SQSTM1: variants seen among roughly 807,000 people sequenced by gnomAD.
SQSTM1 encodes sequestosome 1.
A neutral mutation model predicts 45.1 loss-of-function variants in SQSTM1; 36 were observed. That is an observed-to-expected ratio of 0.80 (90% confidence interval 0.61 to 1.05). The LOEUF (loss-of-function observed/expected upper bound fraction) is 1.05. Ranked by LOEUF, SQSTM1 falls within the 50% of genes least tolerant of loss-of-function variation. The pLI, the probability that SQSTM1 is intolerant of heterozygous loss-of-function variation, is 0.00. For synonymous variants in SQSTM1, 290 were observed against 244.3 expected, an observed-to-expected ratio of 1.19 and a Z score of -1.74; for missense variants, 617 against 607.1, an observed-to-expected ratio of 1.02 and a Z score of -0.17.
chr5:179,821,093 G>T lies in SQSTM1; in HGVS notation c.157G>T (p.Ala53Ser). Residue 53 changes from alanine to serine, a missense_variant, in exon 1 of 8, where the codon GCC becomes TCC. Transcript: ENST00000389805. ...PCERLLSRVA[A>S]LFPALRPGGF... The stretch of plus-strand genomic sequence containing the variant: ...CGAGCGGCTGCTGAGCCGGGTGGCC[G>T]CCCTGTTCCCCGCGCTGCGGCCTGG... 1 of 1,445,408 alleles carries T rather than the reference G, an allele frequency of 6.9e-7. No homozygotes were observed. The highest frequency in any genetic ancestry group is 2.6e-5 in the Admixed American group (1 of 37,826). The allele number at this position is 1,445,408 out of a possible 1,614,324, so 89.5% of individuals were successfully genotyped here. A position where few individuals can be genotyped will look rare whatever the true frequency, so the allele number is the denominator to read the frequency against.
At chr5:179,818,908 T>A (rs1757663770), upstream of SQSTM1, 1 of 152,700 alleles carries the variant, frequency 6.5e-6, no homozygotes, top group East Asian at 1.9e-4. Flanking sequence ...GGGGTGGGAC[T>A]GCATCGGGAA....
chr5:179,825,310 G>A lies in SQSTM1; in HGVS notation c.754+84G>A, dbSNP rs1757947198. The stretch of plus-strand genomic sequence containing the variant: ...CACCTGGAATACTGCAAAGGAATGG[G>A]TAATTGACATGCCCTTGACACTGGT... On this transcript the variant is annotated intron_variant, in intron 5 of 7. Transcript: ENST00000389805. 3 of 1,187,288 alleles carry A rather than the reference G, an allele frequency of 2.5e-6. No homozygotes were observed. The South Asian group carries it at 3.6e-5, about 14-fold the overall frequency. 73.5% of individuals were successfully genotyped at this position (1,187,288 alleles called of 1,614,324 possible).
Position 179,836,802 on chromosome 5 carries a change from T to A in SQSTM1, c.*209T>A. On this transcript the variant is annotated 3_prime_UTR_variant, in exon 8 of 8. Transcript: ENST00000389805. ...GTGTGCTGATGTTTCCTGGGTGCCC[T>A]GGCTCCTTGCAGCAGGGCTGGGCCT... is the stretch of plus-strand genomic sequence containing the variant. 1.3e-6 allele frequency: 1 copy of A among 782,330 alleles called. No homozygotes were observed. 48.5% of individuals were successfully genotyped at this position (782,330 alleles called of 1,614,324 possible).
intron 1 of SQSTM1, chr5:179,808,138 C>CGCCCGGGGGAG (rs1757261892): frequency 6.6e-6 from 1 of 152,288 alleles, no homozygotes; most frequent in Non-Finnish European, 1.5e-5. Context: ...CTGCCCCACC[C>CGCCCGGGGGAG]GCCCGGGGGA....
At position 179,830,395 on chromosome 5, in the gene SQSTM1, C is replaced by A. The variant is rs528569681; in HGVS notation, c.755-2637C>A. ...GAAATCAGTTAAAAAGGCTTTTCGG[C>A]CTAGAATTCTTTTGTTTTTGAAACC... On this transcript the variant is annotated intron_variant, in intron 5 of 7. Coordinates refer to ENST00000389805, the MANE Select transcript of SQSTM1 (RefSeq NM_003900.5). 3.9e-5 allele frequency among the ~76,000 whole-genome samples: 6 copies of A among 152,090 alleles called. No homozygotes were observed. The East Asian group carries it at 1.2e-3, about 29-fold the overall frequency.
rs146092066 is a variant in SQSTM1, at chr5:179,837,615, G to A, written c.*1022G>A. 1,023 of 1,614,212 alleles carry A rather than the reference G, an allele frequency of 6.3e-4. 1 individual carries two copies. Among genetic ancestry groups the A allele is most frequent in the Middle Eastern group, 1.6e-3 (10 of 6,062 alleles). Reference sequence around the variant, plus strand: ...CTGCTGAGGCCTTCTCTTGAGGCCTGTGCTCTGGGGGTCCCTTGCTTAGCC... The same window carrying A: ...CTGCTGAGGCCTTCTCTTGAGGCCTATGCTCTGGGGGTCCCTTGCTTAGCC... On this transcript the variant is annotated 3_prime_UTR_variant, in exon 8 of 8. Coordinates refer to ENST00000389805, the MANE Select transcript of SQSTM1 (RefSeq NM_003900.5).
intron 4 of SQSTM1, 95 bp downstream of exon 4, chr5:179,824,418 A>C: frequency 6.4e-7 from 1 of 1,566,782 alleles, no homozygotes; most frequent in Non-Finnish European, 8.8e-7. Flanking sequence ...CAAGGCAAGA[A>C]TTCAGGATAC....
intron 1 of SQSTM1, 66 bp downstream of exon 1, chr5:179,821,207 G>A: frequency 7.7e-7 from 1 of 1,296,622 alleles, no homozygotes; most frequent in Non-Finnish European, 9.8e-7. Context: ...CCGCGGGGTG[G>A]CTGCCCCCTC....
At position 179,820,909 on chromosome 5, in the gene SQSTM1, C is replaced by T. The variant is rs754689970; in HGVS notation, c.-28C>T. On this transcript the variant is annotated 5_prime_UTR_variant, in exon 1 of 8. Transcript: ENST00000389805. ...CGCGCGGCGGCTGCGACCGGGACGGCCCGTTTTCCGCCAGCTCGCCGCTCG... is the reference window on the plus strand; with the variant it reads ...CGCGCGGCGGCTGCGACCGGGACGGTCCGTTTTCCGCCAGCTCGCCGCTCG... The T allele has an allele frequency of 2.0e-6, 3 of 1,492,604 alleles. No homozygotes were observed. Among genetic ancestry groups the T allele is most frequent in the Admixed American group, 4.1e-5 (2 of 48,752 alleles). The allele number at this position is 1,492,604 out of a possible 1,614,324, so 92.5% of individuals were successfully genotyped here. A position where few individuals can be genotyped will look rare whatever the true frequency, so the allele number is the denominator to read the frequency against.
At chr5:179,821,927 C>T (rs1034998045) in intron 1 of SQSTM1, among the ~76,000 whole-genome samples, 1 of 150,786 alleles carries the variant, frequency 6.6e-6, no homozygotes, top group Non-Finnish European at 1.5e-5. Context: ...TGCCAGCATA[C>T]CAGGCCCTCT....
rs1757159299 is a variant in SQSTM1, at chr5:179,806,418, C to A, written c.-330C>A. ...GGCTTCCGGCCGCCTTCCGCGGCCA[C>A]CGCCGGGCCCGCTCCCGCCGCCGAC... is the stretch of plus-strand genomic sequence containing the variant. On this transcript the variant is annotated 5_prime_UTR_variant, in exon 1 of 6. Coordinates refer to the SQSTM1 transcript ENST00000514093. The surrounding 1 kb of genome is among the most constrained non-coding windows in gnomAD (Gnocchi z 4.6). The A allele has an allele frequency of 9.8e-7, 1 of 1,024,386 alleles. No homozygotes were observed. Among genetic ancestry groups the A allele is most frequent in the African/African-American group, 1.7e-5 (1 of 57,514 alleles). The allele number at this position is 1,024,386 out of a possible 1,614,324, so 63.5% of individuals were successfully genotyped here.
At position 179,806,596 on chromosome 5, in the gene SQSTM1, G is replaced by A; in HGVS notation, c.-157+5G>A. Reference sequence around the variant, plus strand: ...TGCGGAGCCTCATCTCCTCGGGTGCGCGGCGGGCGCCCGCGGGGCCGAGGC... The same window carrying A: ...TGCGGAGCCTCATCTCCTCGGGTGCACGGCGGGCGCCCGCGGGGCCGAGGC... On this transcript the variant is annotated splice_donor_5th_base_variant and intron_variant, in intron 1 of 5. Coordinates refer to the SQSTM1 transcript ENST00000514093. The surrounding 1 kb of genome is among the most constrained non-coding windows in gnomAD (Gnocchi z 4.6). 1 of 1,235,434 alleles carries A rather than the reference G, an allele frequency of 8.1e-7. No individual in the cohort carries two copies. Among genetic ancestry groups the A allele is most frequent in the Non-Finnish European group, 1.0e-6 (1 of 959,096 alleles). The allele number at this position is 1,235,434 out of a possible 1,614,324, so 76.5% of individuals were successfully genotyped here.
chr5:179,825,059 CAG>C, intron 4 of SQSTM1, 85 bp from the exon 5 acceptor site: 2 of 1,387,414 alleles, frequency 1.4e-6, no homozygotes, highest in Non-Finnish European at 1.0e-6. Flanking sequence ...CCCGGGAACA[CAG>C]GGACCTTGGC....
Position 179,833,013 on chromosome 5 carries a change from T to C in SQSTM1, c.755-19T>C. On this transcript the variant is annotated intron_variant, in intron 5 of 7. Coordinates refer to ENST00000389805, the MANE Select transcript of SQSTM1 (RefSeq NM_003900.5). ...CTTGGGGGAACTTCACGGCTTGCTCTTTCCTCCTCCGCCTCTAGGCATTGA... is the reference window on the plus strand; with the variant it reads ...CTTGGGGGAACTTCACGGCTTGCTCCTTCCTCCTCCGCCTCTAGGCATTGA... The C allele has an allele frequency of 6.2e-7, 1 of 1,613,980 alleles. No homozygotes were observed. The highest frequency in any genetic ancestry group is 1.7e-4 in the Middle Eastern group (1 of 6,024).
At position 179,836,963 on chromosome 5, in the gene SQSTM1, GTT is replaced by G; in HGVS notation, c.*371_*372del. On this transcript the variant is annotated 3_prime_UTR_variant, in exon 8 of 8. Transcript: ENST00000389805. ...ATGACTCATAGGTCCCTGACATTTA[GTT>G]GATTATTTTCTGCTACAGACCTGGT... 1 of 606,808 alleles carries G rather than the reference GTT, an allele frequency of 1.6e-6. No homozygotes were observed. The highest frequency in any genetic ancestry group is 2.7e-5 in the East Asian group (1 of 36,566). The allele number at this position is 606,808 out of a possible 1,614,324, so 37.6% of individuals were successfully genotyped here.
intron 5 of SQSTM1, among the ~76,000 whole-genome samples, chr5:179,827,385 C>T (rs1317573080): frequency 3.3e-5 from 5 of 152,162 alleles, no homozygotes; most frequent in African/African-American, 4.8e-5. Context: ...CCTGGGTTCA[C>T]GCCATTCTCC....
chr5:179,816,795 C>G (rs272451), upstream of SQSTM1, among the ~76,000 whole-genome samples: 14 of 152,202 alleles, frequency 9.2e-5, no homozygotes, highest in Non-Finnish European at 2.9e-5. Context: ...TGTCGCCGCC[C>G]CCCCGTCTTT....
At chr5:179,817,214 C>T (rs1757609100), upstream of SQSTM1, among the ~76,000 whole-genome samples, 1 of 152,364 alleles carries the variant, frequency 6.6e-6, no homozygotes, top group South Asian at 2.1e-4. Context: ...CCCCCACATC[C>T]CTTGCGCCCC....
chr5:179,833,458 C>A, intron 6 of SQSTM1, 129 bp from the exon 7 acceptor site: 1 of 1,089,454 alleles, frequency 9.2e-7, no homozygotes, highest in Non-Finnish European at 1.4e-6. Context: ...ACTGTTCCCC[C>A]TAGACCCCTG....
Sources: gnomAD v4.1 joint callset for allele counts (sites outside exome capture counted in the v4.1 genomes callset) on GRCh38, gnomAD v4.1.1 for gene constraint, Gnocchi (gnomAD v3.1) non-coding constraint, MANE v1.5 for transcripts, NCBI Gene and HGNC (gene_info 2026-07-23, HGNC 2026-07-21) for gene names.